Variants in ROCK1 observed in about 807,000 individuals in gnomAD.
The protein encoded by ROCK1 is rho-associated protein kinase 1.
Under a neutral mutation model 196.8 loss-of-function variants are expected in ROCK1, and 36 were observed. The ratio of observed to expected loss-of-function variants is 0.18; its 90% CI spans 0.14 to 0.24. The LOEUF (loss-of-function observed/expected upper bound fraction) is 0.24. ROCK1 is among the 10% of genes least tolerant of loss of function. The pLI is 1.00. For missense variants in ROCK1, 920 were observed against 1,562.0 expected (o/e 0.59, Z 6.93); for synonymous variants, 443 against 515.9 (o/e 0.86, Z 1.91).
rs766676820 is a variant in ROCK1 at position 20,973,797 on chromosome 18, C to CT, written c.2655-3285dup. On this transcript the variant is annotated intron_variant, in intron 22 of 32. Coordinates refer to ENST00000399799, the MANE Select transcript of ROCK1 (RefSeq NM_005406.3). ...TTGTGACCTTTCTCAATATTTGGCA[C>CT]TTTTTTTTTTTTTTTGAGATGGAGT... Among the ~76,000 whole-genome samples the CT allele has an allele frequency of 9.9e-3, 1,382 of 138,988 alleles. 8 individuals are homozygous for CT. The highest frequency in any genetic ancestry group is 0.023 in the Middle Eastern group (6 of 266). 91.2% of individuals were successfully genotyped at this position (138,988 alleles called of 152,430 possible).
At chr18:20,985,566 T>A (rs1266537486) in intron 19 of ROCK1, among the ~76,000 whole-genome samples, 1 of 152,218 alleles carries the variant, frequency 6.6e-6, no homozygotes, top group Non-Finnish European at 1.5e-5. Flanking sequence ...TGCTTGTAGT[T>A]ACTATTTTAA....
At chr18:21,061,137 G>GGC (rs1298510495) in intron 2 of ROCK1, among the ~76,000 whole-genome samples, 1 of 150,322 alleles carries the variant, frequency 6.7e-6, no homozygotes, top group Non-Finnish European at 1.5e-5. Context: ...GGAGTGCAAT[G>GGC]GCGCAATCTT....
At chr18:20,989,551 T>A (rs2035605696) in intron 18 of ROCK1, among the ~76,000 whole-genome samples, 1 of 152,206 alleles carries the variant, frequency 6.6e-6, no homozygotes, top group South Asian at 2.1e-4. Context: ...TTTGACTATT[T>A]TATTAATTTA....
intron 2 of ROCK1, among the ~76,000 whole-genome samples, chr18:21,063,526 A>G (rs1211014907): frequency 2.6e-5 from 4 of 152,184 alleles, no homozygotes; most frequent in Non-Finnish European, 5.9e-5. Context: ...AATAAATGTC[A>G]GCGTGTAGCT....
At chr18:20,997,231 A>C (rs2035679346) in intron 16 of ROCK1, among the ~76,000 whole-genome samples, 1 of 152,212 alleles carries the variant, frequency 6.6e-6, no homozygotes, top group South Asian at 2.1e-4. Flanking sequence ...TACAAGAAAC[A>C]CACTTCATGT....
intron 21 of ROCK1, among the ~76,000 whole-genome samples, chr18:20,982,025 G>C (rs1275925229): frequency 6.6e-6 from 1 of 152,178 alleles, no homozygotes; most frequent in Non-Finnish European, 1.5e-5. Flanking sequence ...AACTGAGATA[G>C]GGTCAGGTTT....
rs551088769 is a variant in ROCK1, at chr18:20,951,357, G to A, written c.*27C>T. The A allele has an allele frequency of 5.6e-6, 9 of 1,600,622 alleles. No individual in the cohort carries two copies. Among genetic ancestry groups the A allele is most frequent in the East Asian group, 4.5e-5 (2 of 44,676 alleles). On this transcript the variant is annotated 3_prime_UTR_variant, in exon 33 of 33. Transcript: ENST00000399799. ...TGGTTTATCAGGTAGCATCCCACAC[G>A]ATTCCACAGGGCACTCAGTCACATG...
intron 22 of ROCK1, among the ~76,000 whole-genome samples, chr18:20,977,610 T>C (rs1048468376): frequency 6.6e-6 from 1 of 152,236 alleles, no homozygotes; most frequent in African/African-American, 2.4e-5. Flanking sequence ...ATTGGATAGC[T>C]GCACAAAGCA....
At chr18:21,049,972 GA>G (rs1861689715) in intron 2 of ROCK1, 92 bp from the exon 3 acceptor site, 1 of 571,376 alleles carries the variant, frequency 1.8e-6, no homozygotes, top group African/African-American at 2.0e-5. Flanking sequence ...GAAACACAAT[GA>G]AAAACAACAA....
Position 21,049,822 on chromosome 18 carries a change from T to G in ROCK1, c.234A>C (p.Val78=). 6.2e-7 allele frequency: 1 copy of G among 1,609,136 alleles called. No homozygotes were observed. Among genetic ancestry groups the G allele is most frequent in the Non-Finnish European group, 8.5e-7 (1 of 1,177,382 alleles). The change falls in exon 3 of 33, where the codon GTA becomes GTC. Residue 78 remains valine (V), a synonymous_variant. Transcript: ENST00000399799. ...ATGCACCTCTACCAATCACCTTCAC[T>G]ACTTCATAATCTTCAGCTTTCATTC... The part of the protein sequence containing the change: ...DLRMKAEDYE[V]VKVIGRGAFG...
At chr18:21,099,479 C>G (rs2036640009) in intron 1 of ROCK1, among the ~76,000 whole-genome samples, 1 of 152,176 alleles carries the variant, frequency 6.6e-6, no homozygotes, top group Admixed American at 6.5e-5. Flanking sequence ...CACAGTAGCT[C>G]ACACCTTTAA....
Position 20,947,772 on chromosome 18 carries a change from G to A in ROCK1, c.*3612C>T, listed in dbSNP as rs2035143241. 6.6e-6 allele frequency: 1 copy of A among 151,946 alleles called. No homozygotes were observed. The allele number at this position is 151,946 out of a possible 1,614,324, so 9.4% of individuals were successfully genotyped here. On this transcript the variant is annotated 3_prime_UTR_variant, in exon 33 of 33. Transcript: ENST00000399799. ...CTCCAAATGTCTTACAATTTTCTTG[G>A]TGGAGGTCGTATACATCTTTCAGTA... is the stretch of plus-strand genomic sequence containing the variant.
intron 19 of ROCK1, among the ~76,000 whole-genome samples, chr18:20,986,061 T>A (rs1170564117): frequency 6.6e-6 from 1 of 152,030 alleles, no homozygotes; most frequent in African/African-American, 2.4e-5. Flanking sequence ...CCATGTTGCC[T>A]AGGCTGGTTT....
intron 1 of ROCK1, among the ~76,000 whole-genome samples, chr18:21,100,603 C>A (rs2036651258): frequency 6.6e-6 from 1 of 151,182 alleles, no homozygotes; most frequent in Admixed American, 6.6e-5. Flanking sequence ...AAAAAAAAGA[C>A]TGAGAGCGAA....
chr18:20,978,401 T>C (rs2035499782), intron 22 of ROCK1, among the ~76,000 whole-genome samples: 2 of 152,180 alleles, frequency 1.3e-5, no homozygotes, highest in African/African-American at 4.8e-5. Flanking sequence ...AAATCAGAAA[T>C]GTCCAATAAA....
At chr18:21,040,045 C>T (rs972824833) in intron 8 of ROCK1, among the ~76,000 whole-genome samples, 4 of 152,104 alleles carry the variant, frequency 2.6e-5, no homozygotes, top group Non-Finnish European at 4.4e-5. Context: ...TGAAACACAG[C>T]GAGACTCCGT....
At position 20,987,105 on chromosome 18, in the gene ROCK1, C is replaced by T. The variant is rs1350074233; in HGVS notation, c.2149G>A (p.Glu717Lys). Residue 717 changes from glutamate to lysine, a missense_variant, in exon 19 of 33, where the codon GAA becomes AAA. Transcript: ENST00000399799. ...EAKSVAMCEM[E>K]KKLKEEREAR... Reference sequence around the variant, plus strand: ...TCTCTTTCTTCTTTCAGCTTTTTTTCCATCTCTGGGAAAGCAAAAAGTTAC... The same window carrying T: ...TCTCTTTCTTCTTTCAGCTTTTTTTTCATCTCTGGGAAAGCAAAAAGTTAC... 1.9e-6 allele frequency: 3 copies of T among 1,610,630 alleles called. No individual in the cohort carries two copies. Among genetic ancestry groups the T allele is most frequent in the Non-Finnish European group, 2.5e-6 (3 of 1,179,222 alleles).
intron 10 of ROCK1, among the ~76,000 whole-genome samples, chr18:21,027,531 C>A (rs1366033878): frequency 2.6e-5 from 4 of 152,048 alleles, no homozygotes; most frequent in African/African-American, 9.7e-5. Flanking sequence ...GTGCTTACAC[C>A]ATGCAAAGCC....
At position 21,042,183 on chromosome 18, in the gene ROCK1, C is replaced by A; in HGVS notation, c.873G>T (p.Met291Ile). The change falls in exon 8 of 33, where the codon ATG (methionine) becomes ATT (isoleucine). Residue 291 changes from methionine to isoleucine, a missense_variant. By Grantham distance (10) the Met-to-Ile change is conservative. Coordinates refer to ENST00000399799, the MANE Select transcript of ROCK1 (RefSeq NM_005406.3). ...GAAAGGTAAGTGAATTTTTATGGTT[C>A]ATAATTTTACTGTAAGTTCCAACCA... The part of the protein sequence containing the change: ...DSLVGTYSKI[M>I]NHKNSLTFPD... 6.2e-7 allele frequency: 1 copy of A among 1,601,796 alleles called. No individual in the cohort carries two copies. Among genetic ancestry groups the A allele is most frequent in the South Asian group, 1.1e-5 (1 of 88,760 alleles).
Sources: allele counts gnomAD v4.1 joint callset (sites outside exome capture counted in the v4.1 genomes callset), GRCh38; gene constraint gnomAD v4.1.1; transcripts MANE v1.5; gene names NCBI Gene and HGNC (gene_info 2026-07-23, HGNC 2026-07-21).